TNNI3: variants seen among roughly 807,000 people sequenced by gnomAD.
TNNI3 encodes the protein troponin I3, cardiac type.
TNNI3 carries 23 observed loss-of-function variants against 31.5 expected under a neutral mutation model. That is an observed-to-expected ratio of 0.73 (90% CI 0.52 to 1.03). TNNI3 has a LOEUF of 1.03. TNNI3 is among the 50% of genes least tolerant of loss of function. TNNI3 has a pLI of 0.00. For missense variants in TNNI3, 236 were observed against 282.9 expected, an observed-to-expected ratio of 0.83 and a Z score of 1.19; for synonymous variants, 120 against 111.7, an observed-to-expected ratio of 1.07 and a Z score of -0.47.
Position 55,156,247 on chromosome 19 carries a change from C to A in TNNI3, c.236G>T (p.Arg79Leu), listed in dbSNP as rs397516342. ...RGEKGRALST[R>L]CQPLELAGLG... Reference sequence around the variant, plus strand: ...CCCGGCCAACTCCAGCGGCTGGCAGCGGGTGCTCAGAGCGCGCCCCTTCTC... The same window carrying A: ...CCCGGCCAACTCCAGCGGCTGGCAGAGGGTGCTCAGAGCGCGCCCCTTCTC... Residue 79 changes from arginine to leucine, a missense_variant, in exon 5 of 8, where the codon CGC (arginine) becomes CTC (leucine). Physicochemically the swap from Arg to Leu is moderately radical, Grantham distance 102. Around this residue, in one of 4 missense-constraint regions of TNNI3, gnomAD observed 172 missense variants for 171.8 expected, o/e 1.00. Coordinates refer to ENST00000344887, the MANE Select transcript of TNNI3 (RefSeq NM_000363.5). The surrounding 1 kb of genome is among the most constrained non-coding windows in gnomAD (Gnocchi z 4.6). 1.4e-5 allele frequency: 22 copies of A among 1,612,416 alleles called. No individual in the cohort carries two copies. The South Asian group carries it at 2.2e-4, about 16-fold the overall frequency.
chr19:55,155,899 A>C (rs866945916), intron 5 of TNNI3, among the ~76,000 whole-genome samples: 105 of 21,730 alleles, frequency 4.8e-3, no homozygotes, highest in Admixed American at 0.014. Flanking sequence ...GGGGCTGGGG[A>C]CTGGACTCCT....
intron 6 of TNNI3, 46 bp from the exon 7 acceptor site, chr19:55,154,252 A>G (rs2085713592): frequency 6.3e-7 from 1 of 1,581,850 alleles, no homozygotes; most frequent in African/African-American, 1.4e-5. Context: ...CATTTCCCGC[A>G]CACCCAACTC....
At position 55,156,379 on chromosome 19, in the gene TNNI3, TAA is replaced by T. The variant is rs774413681; in HGVS notation, c.151-49_151-48del. On this transcript the variant is annotated intron_variant, in intron 4 of 7. Coordinates refer to ENST00000344887, the MANE Select transcript of TNNI3 (RefSeq NM_000363.5). This position sits in a 1 kb window ranked among gnomAD's most constrained non-coding sequence, Gnocchi z 4.6. The stretch of plus-strand genomic sequence containing the variant: ...GCGCAGCCCACCCGGGGCTTCAGGA[TAA>T]AGACCAGGCGTGGGGAACCGCCTCT... The T allele has an allele frequency of 3.1e-6, 5 of 1,588,934 alleles. No homozygotes were observed. Among genetic ancestry groups the T allele is most frequent in the Non-Finnish European group, 4.3e-6 (5 of 1,167,926 alleles).
In TNNI3 at chr19:55,156,260, C is replaced by T. The variant is rs1187997222; in HGVS notation, c.223G>A (p.Ala75Thr). The T allele has an allele frequency of 3.7e-6, 6 of 1,611,938 alleles. No homozygotes were observed. The highest frequency in any genetic ancestry group is 1.1e-5 in the South Asian group (1 of 91,020). Residue 75 changes from alanine (A) to threonine (T), a missense_variant, in exon 5 of 8, where the codon GCT (alanine) becomes ACT (threonine). This residue lies in a region of TNNI3 where 172 missense variants were observed against 171.8 expected (regional missense o/e 1.00). Coordinates refer to ENST00000344887, the MANE Select transcript of TNNI3 (RefSeq NM_000363.5). This position sits in a 1 kb window ranked among gnomAD's most constrained non-coding sequence, Gnocchi z 4.6. ...AGCGGCTGGCAGCGGGTGCTCAGAGCGCGCCCCTTCTCTCCGCGCCGCTCC... is the reference window on the plus strand; with the variant it reads ...AGCGGCTGGCAGCGGGTGCTCAGAGTGCGCCCCTTCTCTCCGCGCCGCTCC... ...AEERRGEKGR[A>T]LSTRCQPLEL...
Position 55,157,724 on chromosome 19 carries a change from G to C in TNNI3, c.-135C>G. 2.2e-6 allele frequency: 2 copies of C among 924,930 alleles called. No individual in the cohort carries two copies. Among genetic ancestry groups the C allele is most frequent in the Non-Finnish European group, 3.5e-6 (2 of 578,792 alleles). 57.3% of individuals were successfully genotyped at this position (924,930 alleles called of 1,614,324 possible). On this transcript the variant is annotated 5_prime_UTR_variant, in exon 1 of 8. Coordinates refer to ENST00000344887, the MANE Select transcript of TNNI3 (RefSeq NM_000363.5). The surrounding 1 kb of genome is among the most constrained non-coding windows in gnomAD (Gnocchi z 6.3). ...TCCTCCGGGCTGCTTGAGACTCCCC[G>C]AGGACACTGAGATAAAGGGCGAGGA...
rs1018219050 is a variant in TNNI3, at chr19:55,152,596, T to G, written c.550-679A>C. Among the ~76,000 whole-genome samples the G allele has an allele frequency of 2.6e-5, 4 of 152,196 alleles. No homozygotes were observed. The highest frequency in any genetic ancestry group is 9.7e-5 in the African/African-American group (4 of 41,440). ...TGAGAAAGAGACCACATTCATGAGT[T>G]TTATTACAATCTGTTATAATTGTTC... On this transcript the variant is annotated intron_variant, in intron 7 of 7. Transcript: ENST00000344887. The surrounding 1 kb of genome is among the most constrained non-coding windows in gnomAD (Gnocchi z 4.0).
chr19:55,156,005 G>A lies in TNNI3; in HGVS notation c.282+196C>T, dbSNP rs2085726701. On this transcript the variant is annotated intron_variant, in intron 5 of 7. Coordinates refer to ENST00000344887, the MANE Select transcript of TNNI3 (RefSeq NM_000363.5). This position sits in a 1 kb window ranked among gnomAD's most constrained non-coding sequence, Gnocchi z 4.6. ...CTGTCTGGGATAGGAGGGCCACATG[G>A]TCCTGAAGGAGTAGGTTGGAGCCAA... 6.6e-6 allele frequency among the ~76,000 whole-genome samples: 1 copy of A among 152,080 alleles called. No individual in the cohort carries two copies. The highest frequency in any genetic ancestry group is 2.4e-5 in the African/African-American group (1 of 41,378).
chr19:55,155,947 G>C (rs1241463217), intron 5 of TNNI3, among the ~76,000 whole-genome samples: 2 of 141,438 alleles, frequency 1.4e-5, no homozygotes, highest in Non-Finnish European at 1.5e-5. Context: ...TGGACTCCAG[G>C]GTCTGAGGGA....
Position 55,157,359 on chromosome 19 carries a change from C to T in TNNI3, c.12-51G>A. The T allele has an allele frequency of 1.2e-6, 2 of 1,611,258 alleles. No homozygotes were observed. The highest frequency in any genetic ancestry group is 4.5e-5 in the East Asian group (2 of 44,720). ...GGGTTAGTGGTGGGCTGTGTCCTGT[C>T]TCCTAAGGGACCCCTGGAGTCCCCT... On this transcript the variant is annotated intron_variant, in intron 1 of 7. Transcript: ENST00000344887. The surrounding 1 kb of genome is among the most constrained non-coding windows in gnomAD (Gnocchi z 6.3).
At chr19:55,154,687 G>T in intron 6 of TNNI3, 54 bp downstream of exon 6, 1 of 1,521,688 alleles carries the variant, frequency 6.6e-7, no homozygotes, top group Non-Finnish European at 9.1e-7. Context: ...CAGAGACCAA[G>T]TCCCAGCCAT....
chr19:55,154,018 G>C lies in TNNI3; in HGVS notation c.549+12C>G. 6.2e-7 allele frequency: 1 copy of C among 1,610,866 alleles called. No homozygotes were observed. ...CTCAGCATCCTCTTTCCTGGCCTTA[G>C]CCCACACTCACCTTCTCGGTGTCCT... On this transcript the variant is annotated intron_variant, in intron 7 of 7. Transcript: ENST00000344887.
rs748265947 is a variant in TNNI3, at chr19:55,152,892, C to G, written c.550-975G>C. ...TCGGCTCACTGCAACCTCTGCCTCC[C>G]GGGTTCAAGCAATTCTCCTGCCTCA... On this transcript the variant is annotated intron_variant, in intron 7 of 7. Coordinates refer to ENST00000344887, the MANE Select transcript of TNNI3 (RefSeq NM_000363.5). This position sits in a 1 kb window ranked among gnomAD's most constrained non-coding sequence, Gnocchi z 4.0. Among the ~76,000 whole-genome samples the G allele has an allele frequency of 1.3e-5, 2 of 150,808 alleles. No individual in the cohort carries two copies. Among genetic ancestry groups the G allele is most frequent in the Non-Finnish European group, 3.0e-5 (2 of 67,600 alleles).
Position 55,154,141 on chromosome 19 carries a change from T to A in TNNI3, c.438A>T (p.Arg146Ser), listed in dbSNP as rs2085712265. ...RGKFKRPTLR[R>S]VRISADAMMQ... is the part of the protein sequence containing the mutation. ...TCATGGCATCTGCAGAGATCCTCAC[T>A]CTCCGCAGGGTGGGCCGCTTAAACT... Residue 146 changes from arginine (R) to serine (S), a missense_variant, in exon 7 of 8, where the codon AGA (arginine) becomes AGT (serine). Physicochemically the swap from Arg to Ser is moderately radical, Grantham distance 110 (BLOSUM62 -1). Around this residue, in one of 4 missense-constraint regions of TNNI3, gnomAD observed 34 missense variants for 52.7 expected, o/e 0.65. Transcript: ENST00000344887. 1.2e-6 allele frequency: 2 copies of A among 1,613,086 alleles called. No homozygotes were observed. The highest frequency in any genetic ancestry group is 1.7e-4 in the Middle Eastern group (1 of 6,042).
rs2085700841 is a variant in TNNI3 at position 55,152,457 on chromosome 19, C to G, written c.550-540G>C. Among the ~76,000 whole-genome samples the G allele has an allele frequency of 6.6e-6, 1 of 152,142 alleles. No individual in the cohort carries two copies. Among genetic ancestry groups the G allele is most frequent in the Admixed American group, 6.6e-5 (1 of 15,266 alleles). On this transcript the variant is annotated intron_variant, in intron 7 of 7. Coordinates refer to ENST00000344887, the MANE Select transcript of TNNI3 (RefSeq NM_000363.5). The surrounding 1 kb of genome is among the most constrained non-coding windows in gnomAD (Gnocchi z 4.0). Reference sequence around the variant, plus strand: ...TGATGGATTCTCAGGTCAATAGTAGCCTAACGCCAGGTCATAATGCCTATG... The same window carrying G: ...TGATGGATTCTCAGGTCAATAGTAGGCTAACGCCAGGTCATAATGCCTATG...
rs190043816 is a variant in TNNI3, at chr19:55,152,077, T to C, written c.550-160A>G. 7.9e-5 allele frequency among the ~76,000 whole-genome samples: 12 copies of C among 152,210 alleles called. No homozygotes were observed. In the South Asian group the frequency reaches 2.3e-3, roughly 29 times the overall value. ...TCTTTTCAAGATAATCCCTGCCAATTTTCCCCATGCACTTCCTGTCTCCCT... is the reference window on the plus strand; with the variant it reads ...TCTTTTCAAGATAATCCCTGCCAATCTTCCCCATGCACTTCCTGTCTCCCT... On this transcript the variant is annotated intron_variant, in intron 7 of 7. Coordinates refer to ENST00000344887, the MANE Select transcript of TNNI3 (RefSeq NM_000363.5). The surrounding 1 kb of genome is among the most constrained non-coding windows in gnomAD (Gnocchi z 4.0).
At position 55,157,194 on chromosome 19, in the gene TNNI3, C is replaced by CGCTAGGGCT. The variant is rs1481586198; in HGVS notation, c.25-62_25-61insAGCCCTAGC. 2.1e-5 allele frequency: 33 copies of CGCTAGGGCT among 1,591,334 alleles called. No individual in the cohort carries two copies. In the African/African-American group the frequency reaches 4.2e-4, roughly 20 times the overall value. On this transcript the variant is annotated intron_variant, in intron 2 of 7. Transcript: ENST00000344887. This position sits in a 1 kb window ranked among gnomAD's most constrained non-coding sequence, Gnocchi z 6.3. The stretch of plus-strand genomic sequence containing the variant: ...AGACCCCACCCAGCCCTTACCGTAC[C>CGCTAGGGCT]GCACCCTCTGCTAGGGCTGCAGCCT...
rs104894729 is a variant in TNNI3, at chr19:55,151,892, C to T, written c.575G>A (p.Arg192His). 6.2e-7 allele frequency: 1 copy of T among 1,614,116 alleles called. No individual in the cohort carries two copies. Among genetic ancestry groups the T allele is most frequent in the Non-Finnish European group, 8.5e-7 (1 of 1,179,992 alleles). The change falls in exon 8 of 8, where the codon CGC becomes CAC. Residue 192 changes from arginine (R) to histidine (H), a missense_variant. Physicochemically the swap from Arg to His is conservative, Grantham distance 29. Transcript: ENST00000344887. ...EKENREVGDW[R>H]KNIDALSGME... The stretch of plus-strand genomic sequence containing the variant: ...TCCACTCAGTGCATCGATGTTCTTG[C>T]GCCAGTCTCCCACCTCCCGGTTTTC...
In TNNI3 at chr19:55,152,130, T is replaced by C. The variant is rs753523687; in HGVS notation, c.550-213A>G. ...TGCACTTCCTGTCCCCCTCATGCAC[T>C]TCCTGTCTTTCCCCAGCACTTCCTG... On this transcript the variant is annotated intron_variant, in intron 7 of 7. Transcript: ENST00000344887. The surrounding 1 kb of genome is among the most constrained non-coding windows in gnomAD (Gnocchi z 4.0). Among the ~76,000 whole-genome samples the C allele has an allele frequency of 1.3e-4, 20 of 152,154 alleles. No homozygotes were observed. The Middle Eastern group carries it at 0.01, about 78-fold the overall frequency.
rs1203484453 is a variant in TNNI3 at position 55,151,779 on chromosome 19, G to C, written c.*55C>G. The C allele has an allele frequency of 1.7e-5, 26 of 1,552,488 alleles. No individual in the cohort carries two copies. Among genetic ancestry groups the C allele is most frequent in the Non-Finnish European group, 2.2e-5 (25 of 1,124,612 alleles). ...GACATGGAGTCACTTTCAGCTCAGA[G>C]AGAAGCTTTATTCCTCAGGGCCCTC... is the stretch of plus-strand genomic sequence containing the variant. On this transcript the variant is annotated 3_prime_UTR_variant, in exon 8 of 8. Coordinates refer to ENST00000344887, the MANE Select transcript of TNNI3 (RefSeq NM_000363.5).
Sources: gnomAD v4.1 joint callset for allele counts (sites outside exome capture counted in the v4.1 genomes callset) on GRCh38, gnomAD v4.1.1 for gene constraint, gnomAD v4.1.1 regional missense constraint, Gnocchi (gnomAD v3.1) non-coding constraint, MANE v1.5 for transcripts, NCBI Gene and HGNC (gene_info 2026-07-23, HGNC 2026-07-21) for gene names.